PRAG1: variants seen among roughly 807,000 people sequenced by gnomAD.
The protein encoded by PRAG1 is PEAK1 related, kinase-activating pseudokinase 1.
A neutral mutation model predicts 95.6 loss-of-function variants in PRAG1; 110 were observed. The ratio of observed to expected loss-of-function variants is 1.15; its 90% CI spans 0.99 to 1.35. The LOEUF (loss-of-function observed/expected upper bound fraction) is 1.35. PRAG1 is among the 40% of genes most tolerant of loss of function. PRAG1 has a pLI of 0.00. For missense variants in PRAG1, 2,554 were observed against 1,864.7 expected, an observed-to-expected ratio of 1.37 and a Z score of -6.81; for synonymous variants, 1,052 against 819.4, an observed-to-expected ratio of 1.28 and a Z score of -4.85.
Position 8,318,836 on chromosome 8 carries a change from G to A in PRAG1, c.3539C>T (p.Pro1180Leu). 1 of 1,317,726 alleles carries A rather than the reference G, an allele frequency of 7.6e-7. No homozygotes were observed. The highest frequency in any genetic ancestry group is 9.7e-7 in the Non-Finnish European group (1 of 1,033,276). 81.6% of individuals were successfully genotyped at this position (1,317,726 alleles called of 1,614,324 possible). ...PAPAPAAAAPPCSSAAPPAGG... is the reference protein window; with the variant it reads ...PAPAPAAAAPLCSSAAPPAGG... ...AGCAGGCGGGGCGGCAGAGGAGCAG[G>A]GAGGCGCGGCGGCGGCGGGGGCGGG... The change falls in exon 6 of 6, where the codon CCC becomes CTC. Residue 1180 changes from proline (P) to leucine (L), a missense_variant. Pro to Leu is a moderately conservative substitution (Grantham distance 98). Coordinates refer to ENST00000615670, the MANE Select transcript of PRAG1 (RefSeq NM_001080826.3). This position sits in a 1 kb window ranked among gnomAD's most constrained non-coding sequence, Gnocchi z 4.2.
rs758889685 is a variant in PRAG1 at position 8,377,680 on chromosome 8, C to T, written c.729G>A (p.Ser243=). The T allele has an allele frequency of 2.5e-6, 4 of 1,613,792 alleles. No individual in the cohort carries two copies. The highest frequency in any genetic ancestry group is 1.7e-5 in the Admixed American group (1 of 60,010). ...CTCCACCCTCGCTGTCCCCGGAGGG[C>T]GAGCACCTTTGATCACTGTCATCCT... The part of the protein sequence containing the change: ...PSEDDSDQRC[S]PSGDSEGGEY... Residue 243 remains serine (S), a synonymous_variant, in exon 3 of 6, where the codon TCG becomes TCA. Coordinates refer to ENST00000615670, the MANE Select transcript of PRAG1 (RefSeq NM_001080826.3).
chr8:8,345,354 G>C lies in PRAG1; in HGVS notation c.2163-5719C>G, dbSNP rs555591185. Reference sequence around the variant, plus strand: ...GATACCAGCCTAAGCAACATAGTGAGACCCTGTCTCTACAAAAAAAAAAAA... The same window carrying C: ...GATACCAGCCTAAGCAACATAGTGACACCCTGTCTCTACAAAAAAAAAAAA... On this transcript the variant is annotated intron_variant, in intron 3 of 5. Coordinates refer to ENST00000615670, the MANE Select transcript of PRAG1 (RefSeq NM_001080826.3). Among the ~76,000 whole-genome samples, 59 of 132,776 alleles carry C rather than the reference G, an allele frequency of 4.4e-4. 1 individual carries two copies. Among genetic ancestry groups the C allele is most frequent in the Admixed American group, 1.1e-3 (13 of 12,060 alleles). The allele number at this position is 132,776 out of a possible 152,430, so 87.1% of individuals were successfully genotyped here.
intron 1 of PRAG1, among the ~76,000 whole-genome samples, chr8:8,384,940 C>T (rs1339394745): frequency 6.6e-6 from 1 of 152,214 alleles, no homozygotes; most frequent in African/African-American, 2.4e-5. Flanking sequence ...CTGCAAACTT[C>T]TGCACTAGAT....
At chr8:8,381,055 G>A (rs1017651529) in intron 2 of PRAG1, among the ~76,000 whole-genome samples, 3 of 152,016 alleles carry the variant, frequency 2.0e-5, no homozygotes, top group African/African-American at 7.3e-5. Context: ...TCATATTGAA[G>A]GGTATTGGGT....
chr8:8,341,804 C>G (rs892580299), intron 3 of PRAG1, among the ~76,000 whole-genome samples: 5 of 152,152 alleles, frequency 3.3e-5, no homozygotes, highest in Non-Finnish European at 7.3e-5. Context: ...CTTGTCCTGT[C>G]CTTGTCCAAT....
At chr8:8,325,119 G>A (rs1267344734) in intron 5 of PRAG1, among the ~76,000 whole-genome samples, 2 of 152,208 alleles carry the variant, frequency 1.3e-5, no homozygotes, top group Non-Finnish European at 2.9e-5. Flanking sequence ...TGGGAAGGGA[G>A]ACCCACTCCC....
At chr8:8,332,494 G>A (rs1798852282) in intron 4 of PRAG1, among the ~76,000 whole-genome samples, 1 of 151,962 alleles carries the variant, frequency 6.6e-6, no homozygotes, top group Non-Finnish European at 1.5e-5. Context: ...GAAAAGATAT[G>A]CCTGGTTCTA....
rs2979129 is a variant in PRAG1, at chr8:8,376,506, G to A, written c.1903C>T (p.Arg635Cys). The A allele has an allele frequency of 3.1e-6, 5 of 1,610,674 alleles. No individual in the cohort carries two copies. The highest frequency in any genetic ancestry group is 1.6e-4 in the Middle Eastern group (1 of 6,070). Residue 635 changes from arginine (R) to cysteine (C), a missense_variant, in exon 3 of 6, where the codon CGT becomes TGT. Coordinates refer to ENST00000615670, the MANE Select transcript of PRAG1 (RefSeq NM_001080826.3). ...RPRFQAGTWS[R>C]QCRIEEEEEV... ...TCTTCTTCCTCTATCCGGCACTGAC[G>A]ACTCCAGGTGCCTGCCTGGAACCTG...
Position 8,318,398 on chromosome 8 carries a change from T to C in PRAG1, c.3977A>G (p.Gln1326Arg), listed in dbSNP as rs764754621. ...GCGCCGAGGCCCCCACAGCAGGCAC[T>C]GCAGCACGCGCTTGGCCTCGCCGAT... is the stretch of plus-strand genomic sequence containing the variant. ...IRIGEAKRVL[Q>R]CLLWGPRREL... Residue 1326 changes from glutamine to arginine, a missense_variant, in exon 6 of 6, where the codon CAG becomes CGG. Gln to Arg is a conservative substitution (Grantham distance 43). Transcript: ENST00000615670. This position sits in a 1 kb window ranked among gnomAD's most constrained non-coding sequence, Gnocchi z 4.2. 8.7e-6 allele frequency: 14 copies of C among 1,613,460 alleles called. No individual in the cohort carries two copies. Among genetic ancestry groups the C allele is most frequent in the Admixed American group, 3.3e-5 (2 of 59,990 alleles).
chr8:8,383,691 G>T (rs1330870761), intron 1 of PRAG1, among the ~76,000 whole-genome samples: 1 of 152,194 alleles, frequency 6.6e-6, no homozygotes, highest in African/African-American at 2.4e-5. Flanking sequence ...GGTCTCACAG[G>T]TCCTTTTCTT....
chr8:8,365,026 G>A (rs1244855355), intron 3 of PRAG1, among the ~76,000 whole-genome samples: 2 of 152,110 alleles, frequency 1.3e-5, no homozygotes, highest in African/African-American at 4.8e-5. Context: ...TTGAAGAAAG[G>A]ATACCAAGGA....
At chr8:8,363,422 G>T (rs1176904628) in intron 3 of PRAG1, among the ~76,000 whole-genome samples, 1 of 152,146 alleles carries the variant, frequency 6.6e-6, no homozygotes, top group Admixed American at 6.6e-5. Context: ...GCTACAAGAT[G>T]GATGAAACTT....
rs1408751134 is a variant in PRAG1, at chr8:8,318,645, C to G, written c.3730G>C (p.Val1244Leu). 1 of 1,612,296 alleles carries G rather than the reference C, an allele frequency of 6.2e-7. No homozygotes were observed. Among genetic ancestry groups the G allele is most frequent in the Non-Finnish European group, 8.5e-7 (1 of 1,179,858 alleles). ...AACTTGCGGTACTGGGAAGCAGACA[C>G]GATCTCGGGGGCCAGCCGGGCCTGG... ...KSQARLAPEI[V>L]SASQYRKFDE... Residue 1244 changes from valine to leucine, a missense_variant, in exon 6 of 6, where the codon GTG becomes CTG. By Grantham distance (32) the Val-to-Leu change is conservative (BLOSUM62 1). Coordinates refer to ENST00000615670, the MANE Select transcript of PRAG1 (RefSeq NM_001080826.3). This position sits in a 1 kb window ranked among gnomAD's most constrained non-coding sequence, Gnocchi z 4.2.
chr8:8,382,196 T>C (rs1428642882), intron 1 of PRAG1, among the ~76,000 whole-genome samples: 8 of 152,172 alleles, frequency 5.3e-5, no homozygotes, highest in Admixed American at 5.2e-4. Context: ...GTCATCCATG[T>C]ATTCCCTGAC....
At chr8:8,347,408 C>A (rs1157581420) in intron 3 of PRAG1, among the ~76,000 whole-genome samples, 1 of 152,262 alleles carries the variant, frequency 6.6e-6, no homozygotes, top group Non-Finnish European at 1.5e-5. Flanking sequence ...AGAGACGGCT[C>A]TGCCTCTCTG....
chr8:8,363,053 A>ATG (rs1314579306), intron 3 of PRAG1, among the ~76,000 whole-genome samples: 1 of 148,354 alleles, frequency 6.7e-6, no homozygotes, highest in African/African-American at 2.5e-5. Context: ...AGATATATAT[A>ATG]TATAGATATA....
chr8:8,344,998 C>T (rs1160012927), intron 3 of PRAG1, among the ~76,000 whole-genome samples: 1 of 151,380 alleles, frequency 6.6e-6, no homozygotes, highest in Non-Finnish European at 1.5e-5. Context: ...CAAGTGAATG[C>T]AGACAAAATT....
At chr8:8,330,780 G>C (rs986755118) in intron 4 of PRAG1, among the ~76,000 whole-genome samples, 1 of 152,190 alleles carries the variant, frequency 6.6e-6, no homozygotes, top group East Asian at 1.9e-4. Context: ...GACAGACGGA[G>C]GCTAGGGCAG....
chr8:8,368,788 C>A (rs12543177), intron 3 of PRAG1, among the ~76,000 whole-genome samples: 2 of 152,176 alleles, frequency 1.3e-5, no homozygotes, highest in African/African-American at 4.8e-5. Flanking sequence ...AAAAGCTATT[C>A]TCAGACAAGC....
Sources: gnomAD v4.1 joint callset for allele counts (sites outside exome capture counted in the v4.1 genomes callset) on GRCh38, gnomAD v4.1.1 for gene constraint, Gnocchi (gnomAD v3.1) non-coding constraint, MANE v1.5 for transcripts, NCBI Gene and HGNC (gene_info 2026-07-23, HGNC 2026-07-21) for gene names.